DTX1: variants seen among roughly 807,000 people sequenced by gnomAD.
DTX1 encodes the protein deltex E3 ubiquitin ligase 1.
A neutral mutation model predicts 57.8 loss-of-function variants in DTX1; 26 were observed. That is an observed-to-expected ratio of 0.45 (90% CI 0.33 to 0.62). The LOEUF (loss-of-function observed/expected upper bound fraction) is 0.62, where lower values mean the gene tolerates loss of function less well. Ranked by LOEUF, DTX1 falls within the 20% of genes least tolerant of loss-of-function variation. The probability of loss-of-function intolerance (pLI) is 0.02; values close to 1 mark genes in which losing one functional copy is unlikely to be tolerated. For missense variants in DTX1, 704 were observed against 895.3 expected (o/e 0.79, Z 2.73); for synonymous variants, 398 against 394.1 (o/e 1.01, Z -0.12).
intron 2 of DTX1, among the ~76,000 whole-genome samples, chr12:113,062,857 T>C (rs1056361303): frequency 6.6e-6 from 1 of 152,250 alleles, no homozygotes; most frequent in African/African-American, 2.4e-5. Flanking sequence ...CCTGCTGGGC[T>C]GTTTTCACTG....
intron 2 of DTX1, among the ~76,000 whole-genome samples, chr12:113,061,307 G>A (rs934090843): frequency 3.9e-5 from 6 of 152,232 alleles, no homozygotes; most frequent in East Asian, 1.9e-4. Flanking sequence ...AACCTATTGC[G>A]ATTGGCAGGA....
chr12:113,082,287 G>A (rs966582161), intron 3 of DTX1, among the ~76,000 whole-genome samples: 4 of 152,066 alleles, frequency 2.6e-5, no homozygotes, highest in East Asian at 1.9e-4. Context: ...AGACAAGCCC[G>A]GCTCAAAGTC....
chr12:113,081,864 G>A (rs1213948616), intron 3 of DTX1, among the ~76,000 whole-genome samples: 1 of 152,200 alleles, frequency 6.6e-6, no homozygotes, highest in African/African-American at 2.4e-5. Context: ...TTCTGGAACA[G>A]TGGGGGCTGA....
intron 3 of DTX1, among the ~76,000 whole-genome samples, chr12:113,087,455 G>A (rs534509211): frequency 3.8e-4 from 58 of 152,194 alleles, no homozygotes; most frequent in African/African-American, 1.3e-3. Flanking sequence ...TGGGGGTGGC[G>A]GCAGGGACTT....
At chr12:113,073,342 C>T (rs1044720348) in intron 2 of DTX1, among the ~76,000 whole-genome samples, 1 of 152,120 alleles carries the variant, frequency 6.6e-6, no homozygotes, top group African/African-American at 2.4e-5. Context: ...CACCTCCTCC[C>T]GGGCCTACTG....
intron 3 of DTX1, among the ~76,000 whole-genome samples, chr12:113,087,700 C>G (rs1179047027): frequency 6.6e-6 from 1 of 152,110 alleles, no homozygotes; most frequent in African/African-American, 2.4e-5. Context: ...TCCTGAGGCT[C>G]CTGGGGCTCT....
In DTX1 at chr12:113,063,027, G is replaced by A. The variant is rs2044676144; in HGVS notation, c.259+4576G>A. 4.6e-5 allele frequency among the ~76,000 whole-genome samples: 7 copies of A among 152,232 alleles called. 2 individuals are homozygous for A. In the South Asian group the frequency reaches 1.4e-3, roughly 31 times the overall value. On this transcript the variant is annotated intron_variant, in intron 2 of 9. Transcript: ENST00000548759. Reference sequence around the variant, plus strand: ...TGGTGTCCCAGGCAGAGGGTTGGAGGGAGAGTCAGAGCTGGGCGAGGGATG... The same window carrying A: ...TGGTGTCCCAGGCAGAGGGTTGGAGAGAGAGTCAGAGCTGGGCGAGGGATG...
Position 113,093,408 on chromosome 12 carries a change from G to C in DTX1, c.1004-131G>C. 1 of 1,366,032 alleles carries C rather than the reference G, an allele frequency of 7.3e-7. No individual in the cohort carries two copies. The highest frequency in any genetic ancestry group is 9.7e-7 in the Non-Finnish European group (1 of 1,031,102). The allele number at this position is 1,366,032 out of a possible 1,614,324, so 84.6% of individuals were successfully genotyped here. ...GAAAGGCCCTTCAGGGGCCTTCAAG[G>C]GGCTGAGTGGGTGGGGCCCAAGAGC... On this transcript the variant is annotated intron_variant, in intron 4 of 9. Coordinates refer to ENST00000548759, the MANE Select transcript of DTX1 (RefSeq NM_004416.3). This position sits in a 1 kb window ranked among gnomAD's most constrained non-coding sequence, Gnocchi z 4.2.
At chr12:113,061,584 G>A (rs2044663736) in intron 2 of DTX1, among the ~76,000 whole-genome samples, 1 of 152,182 alleles carries the variant, frequency 6.6e-6, no homozygotes, top group South Asian at 2.1e-4. Flanking sequence ...TTGTCGGGTT[G>A]AACAGAGAGA....
In DTX1 at chr12:113,093,948, C is replaced by T. The variant is rs567628299; in HGVS notation, c.1166-90C>T. ...CCGGCCAACCCTTGCCAGCCTGACCCCTGCCCTCTGACCCCTGACCCAGTT... is the reference window on the plus strand; with the variant it reads ...CCGGCCAACCCTTGCCAGCCTGACCTCTGCCCTCTGACCCCTGACCCAGTT... On this transcript the variant is annotated intron_variant, in intron 5 of 9. Transcript: ENST00000548759. This position sits in a 1 kb window ranked among gnomAD's most constrained non-coding sequence, Gnocchi z 4.2. 2.6e-6 allele frequency: 4 copies of T among 1,528,978 alleles called. No individual in the cohort carries two copies. The African/African-American group carries it at 5.5e-5, about 21-fold the overall frequency. The allele number at this position is 1,528,978 out of a possible 1,614,324, so 94.7% of individuals were successfully genotyped here. A position where few individuals can be genotyped will look rare whatever the true frequency, so the allele number is the denominator to read the frequency against.
In DTX1 at chr12:113,093,808, C is replaced by T. The variant is rs1950264945; in HGVS notation, c.1165+108C>T. On this transcript the variant is annotated intron_variant, in intron 5 of 9. Coordinates refer to ENST00000548759, the MANE Select transcript of DTX1 (RefSeq NM_004416.3). The surrounding 1 kb of genome is among the most constrained non-coding windows in gnomAD (Gnocchi z 4.2). ...ATTCTTAGCATTTACTACCTCACCTCCATTGCCTGATCTCAGCTCCCCTTG... is the reference window on the plus strand; with the variant it reads ...ATTCTTAGCATTTACTACCTCACCTTCATTGCCTGATCTCAGCTCCCCTTG... 2 of 1,507,484 alleles carry T rather than the reference C, an allele frequency of 1.3e-6. No homozygotes were observed. 93.4% of individuals were successfully genotyped at this position (1,507,484 alleles called of 1,614,324 possible). A position where few individuals can be genotyped will look rare whatever the true frequency, so the allele number is the denominator to read the frequency against.
intron 6 of DTX1, 21 bp downstream of exon 6, chr12:113,094,120 C>T (rs1441722679): frequency 4.1e-4 from 219 of 527,926 alleles, no homozygotes; most frequent in Admixed American, 2.4e-3. Flanking sequence ...GATGGGGGGG[C>T]TGGGGGAGGG....
In DTX1 at chr12:113,057,878, C is replaced by T. The variant is rs2044638321; in HGVS notation, c.-315C>T. ...ACCTCGAACAGGGGCGGCTGCCTCA[C>T]TCCCTACCTGAGCCAGCCGAGGGGG... is the stretch of plus-strand genomic sequence containing the variant. On this transcript the variant is annotated 5_prime_UTR_variant, in exon 2 of 10. Coordinates refer to ENST00000548759, the MANE Select transcript of DTX1 (RefSeq NM_004416.3). 1 of 369,222 alleles carries T rather than the reference C, an allele frequency of 2.7e-6. No homozygotes were observed. Among genetic ancestry groups the T allele is most frequent in the Non-Finnish European group, 4.9e-6 (1 of 204,450 alleles). 22.9% of individuals were successfully genotyped at this position (369,222 alleles called of 1,614,324 possible).
Position 113,097,143 on chromosome 12 carries a change from G to A in DTX1, c.*204G>A, listed in dbSNP as rs1483501668. The A allele has an allele frequency of 3.3e-6, 2 of 607,176 alleles. No homozygotes were observed. Among genetic ancestry groups the A allele is most frequent in the African/African-American group, 1.9e-5 (1 of 54,002 alleles). 37.6% of individuals were successfully genotyped at this position (607,176 alleles called of 1,614,324 possible). Reference sequence around the variant, plus strand: ...GGCCCCGAATCATAGCTCCCTGAGAGGGCCAAGCAGAGAGTACTGGAAACC... The same window carrying A: ...GGCCCCGAATCATAGCTCCCTGAGAAGGCCAAGCAGAGAGTACTGGAAACC... On this transcript the variant is annotated 3_prime_UTR_variant, in exon 10 of 10. Coordinates refer to ENST00000548759, the MANE Select transcript of DTX1 (RefSeq NM_004416.3).
At chr12:113,057,272 C>T (rs1177455522) in intron 1 of DTX1, among the ~76,000 whole-genome samples, 177 bp from the exon 2 acceptor site, 1 of 152,128 alleles carries the variant, frequency 6.6e-6, no homozygotes, top group Non-Finnish European at 1.5e-5. Flanking sequence ...GCGCCCCCGG[C>T]CCCTGCCTTC....
At chr12:113,068,744 T>G in intron 2 of DTX1, among the ~76,000 whole-genome samples, 1 of 151,424 alleles carries the variant, frequency 6.6e-6, no homozygotes, top group East Asian at 1.9e-4. Context: ...CTGTGAAAAA[T>G]CCCCCCGGCG....
chr12:113,066,883 G>A (rs1048665859), intron 2 of DTX1, among the ~76,000 whole-genome samples: 7 of 152,190 alleles, frequency 4.6e-5, no homozygotes, highest in Middle Eastern at 3.4e-3. Flanking sequence ...TTGGAGCCCA[G>A]GAGCTGCCGG....
intron 3 of DTX1, among the ~76,000 whole-genome samples, chr12:113,092,044 G>A (rs1056924055): frequency 3.3e-5 from 5 of 152,240 alleles, no homozygotes; most frequent in Admixed American, 6.5e-5. Context: ...GACTATAAGT[G>A]AGGTGTTAAT....
chr12:113,069,265 G>A (rs987893153), intron 2 of DTX1, among the ~76,000 whole-genome samples: 3 of 152,018 alleles, frequency 2.0e-5, no homozygotes, highest in African/African-American at 7.3e-5. Flanking sequence ...TTCCTGCTTT[G>A]CTAGGGATCT....
Sources: allele counts gnomAD v4.1 joint callset (sites outside exome capture counted in the v4.1 genomes callset), GRCh38; gene constraint gnomAD v4.1.1; non-coding constraint Gnocchi (gnomAD v3.1); transcripts MANE v1.5; gene names NCBI Gene and HGNC (gene_info 2026-07-23, HGNC 2026-07-21).